The following VWF variants were observed in gnomAD, a reference collection of about 807,000 sequenced individuals.
VWF encodes Factor VIII related antigen.
Under a neutral mutation model 308.6 loss-of-function variants are expected in VWF, and 176 were observed. The ratio of observed to expected loss-of-function variants is 0.57; its 90% CI spans 0.50 to 0.65. VWF has a LOEUF of 0.65. Among genes scored for constraint, VWF ranks in the 30% least tolerant of loss-of-function variants. VWF has a pLI of 0.00. For missense variants in VWF, 3,146 were observed against 3,648.2 expected, an observed-to-expected ratio of 0.86 and a Z score of 3.55; for synonymous variants, 1,385 against 1,443.4, an observed-to-expected ratio of 0.96 and a Z score of 0.92.
At chr12:5,981,047 T>C (rs1281860669) in intron 42 of VWF, among the ~76,000 whole-genome samples, 1 of 152,250 alleles carries the variant, frequency 6.6e-6, no homozygotes, top group Non-Finnish European at 1.5e-5. Flanking sequence ...TTATAGACTA[T>C]TGTCATATAT....
At chr12:6,091,672 C>A (rs1411799534) in intron 6 of VWF, among the ~76,000 whole-genome samples, 3 of 152,104 alleles carry the variant, frequency 2.0e-5, no homozygotes, top group Non-Finnish European at 4.4e-5. Flanking sequence ...GCCTCCTGAG[C>A]AGCTGGGTCT....
At chr12:5,957,536 G>A (rs1943264948) in intron 47 of VWF, among the ~76,000 whole-genome samples, 1 of 151,952 alleles carries the variant, frequency 6.6e-6, no homozygotes, top group Non-Finnish European at 1.5e-5. Flanking sequence ...GGGGGGAAAT[G>A]CATACAGGAA....
At chr12:6,045,431 G>A (rs189413148) in intron 17 of VWF, among the ~76,000 whole-genome samples, 7 of 152,342 alleles carry the variant, frequency 4.6e-5, no homozygotes, top group Non-Finnish European at 8.8e-5. Context: ...CCAGTGACCA[G>A]ACTAGAAGAT....
chr12:6,033,164 C>A (rs752024798), intron 20 of VWF, among the ~76,000 whole-genome samples: 1 of 152,128 alleles, frequency 6.6e-6, no homozygotes, highest in Non-Finnish European at 1.5e-5. Flanking sequence ...CGATGCATGG[C>A]GAAGGTTAAA....
At chr12:5,971,825 G>T in intron 43 of VWF, 116 bp from the exon 44 acceptor site, 1 of 896,062 alleles carries the variant, frequency 1.1e-6, no homozygotes, top group South Asian at 1.4e-5. Context: ...ACTGGTCTGG[G>T]CATTTTCATC....
chr12:6,092,439 T>G (rs529875330), intron 6 of VWF, among the ~76,000 whole-genome samples: 48 of 151,916 alleles, frequency 3.2e-4, no homozygotes, highest in African/African-American at 1.1e-3. Context: ...GCCTCCCAGG[T>G]TCAAGCCATC....
At chr12:6,026,844 T>TGG (rs1944198553) in intron 22 of VWF, among the ~76,000 whole-genome samples, 5 of 152,190 alleles carry the variant, frequency 3.3e-5, no homozygotes, top group African/African-American at 1.2e-4. Context: ...CACTACACAC[T>TGG]GTATACATGT....
intron 4 of VWF, 86 bp downstream of exon 4, chr12:6,110,780 T>A: frequency 6.8e-7 from 1 of 1,464,630 alleles, no homozygotes; most frequent in Non-Finnish European, 9.6e-7. Flanking sequence ...TTCCATTCTC[T>A]GGGCCCCAGC....
chr12:5,959,362 C>A (rs1391285844), intron 47 of VWF, among the ~76,000 whole-genome samples: 7 of 152,024 alleles, frequency 4.6e-5, no homozygotes, highest in Non-Finnish European at 7.4e-5. Context: ...ATAGGCTAAT[C>A]CACAATCTTA....
At chr12:6,110,993 A>G (rs1383472497) in intron 3 of VWF, 25 bp from the exon 4 acceptor site, 1 of 1,573,652 alleles carries the variant, frequency 6.4e-7, no homozygotes. Context: ...AGTCAATAGT[A>G]GTGATTATTA....
chr12:6,005,801 C>T (rs1943919017), intron 34 of VWF, among the ~76,000 whole-genome samples: 1 of 152,154 alleles, frequency 6.6e-6, no homozygotes, highest in Non-Finnish European at 1.5e-5. Flanking sequence ...TAAAGACTTT[C>T]TCATGTGCAC....
intron 43 of VWF, among the ~76,000 whole-genome samples, chr12:5,973,971 C>T (rs1943506035): frequency 6.6e-6 from 1 of 152,192 alleles, no homozygotes; most frequent in African/African-American, 2.4e-5. Flanking sequence ...AATGCCCCTG[C>T]TTGCCTGCCA....
Position 6,018,462 on chromosome 12 carries a change from C to T in VWF, c.4956G>A (p.Gln1652=). 1 of 1,613,384 alleles carries T rather than the reference C, an allele frequency of 6.2e-7. No homozygotes were observed. The highest frequency in any genetic ancestry group is 8.5e-7 in the Non-Finnish European group (1 of 1,179,696). ...CCTCTCGGGGGAGCGTCTCAAAGTCCTGGATGAGGATAGGGGCATTGGGCC... is the reference window on the plus strand; with the variant it reads ...CCTCTCGGGGGAGCGTCTCAAAGTCTTGGATGAGGATAGGGGCATTGGGCC... ...IGWPNAPILI[Q]DFETLPREAP... Residue 1652 remains glutamine (Q), a synonymous_variant, in exon 28 of 52, where the codon CAG becomes CAA. Transcript: ENST00000261405.
intron 10 of VWF, among the ~76,000 whole-genome samples, chr12:6,069,368 C>T (rs185211825): frequency 1.5e-4 from 23 of 152,204 alleles, no homozygotes; most frequent in Admixed American, 1.3e-3. Flanking sequence ...AACTGCCTCC[C>T]GGGTTGGCTC....
chr12:5,949,908 C>T, intron 50 of VWF, 25 bp from the exon 51 acceptor site: 2 of 1,607,146 alleles, frequency 1.2e-6, no homozygotes, highest in South Asian at 1.1e-5. Flanking sequence ...AGAGATGAAA[C>T]TTGAGGACTG....
chr12:6,103,488 A>G (rs188894684), intron 5 of VWF, among the ~76,000 whole-genome samples: 28 of 129,232 alleles, frequency 2.2e-4, no homozygotes, highest in East Asian at 4.0e-4. Context: ...ATATACATAT[A>G]TGTGTATACA....
intron 10 of VWF, among the ~76,000 whole-genome samples, chr12:6,068,963 C>G (rs900160521): frequency 3.3e-5 from 5 of 151,632 alleles, no homozygotes; most frequent in East Asian, 1.9e-4. Flanking sequence ...CTCAAGCGAT[C>G]CCCCCATCTC....
At chr12:6,059,291 C>T (rs941098323) in intron 13 of VWF, among the ~76,000 whole-genome samples, 6 of 152,128 alleles carry the variant, frequency 3.9e-5, no homozygotes, top group African/African-American at 9.7e-5. Context: ...TATCACTTTC[C>T]GATCTATAAT....
Position 5,985,677 on chromosome 12 carries a change from G to A in VWF, c.6799-12C>T, listed in dbSNP as rs764008752. 3 of 1,612,768 alleles carry A rather than the reference G, an allele frequency of 1.9e-6. No individual in the cohort carries two copies. The highest frequency in any genetic ancestry group is 2.5e-6 in the Non-Finnish European group (3 of 1,178,888). On this transcript the variant is annotated splice_polypyrimidine_tract_variant and intron_variant, in intron 38 of 51. Transcript: ENST00000261405. ...CAGGCTTCCAGGAACTGAGGGCAAAGCGAGGTTCAGAAAGGGCACAGGACA... is the reference window on the plus strand; with the variant it reads ...CAGGCTTCCAGGAACTGAGGGCAAAACGAGGTTCAGAAAGGGCACAGGACA...
Sources: allele counts gnomAD v4.1 joint callset (sites outside exome capture counted in the v4.1 genomes callset), GRCh38; gene constraint gnomAD v4.1.1; transcripts MANE v1.5; gene names NCBI Gene and HGNC (gene_info 2026-07-23, HGNC 2026-07-21).